Variants in DCDC2 observed in about 807,000 individuals in gnomAD.
The protein encoded by DCDC2 is doublecortin domain-containing protein 2.
DCDC2 carries 40 observed loss-of-function variants against 50.2 expected under a neutral mutation model. The ratio of observed to expected loss-of-function variants is 0.80; its 90% CI spans 0.62 to 1.04. DCDC2 has a LOEUF of 1.04. DCDC2 is among the 50% of genes least tolerant of loss of function. DCDC2 has a pLI of 0.00. For synonymous variants in DCDC2, 234 were observed against 210.6 expected (o/e 1.11, Z -0.96); for missense variants, 570 against 581.9 (o/e 0.98, Z 0.21).
intron 7 of DCDC2, among the ~76,000 whole-genome samples, chr6:24,250,999 A>G (rs1259329057): frequency 6.6e-6 from 1 of 152,258 alleles, no homozygotes; most frequent in Admixed American, 6.5e-5. Flanking sequence ...AAAGAGGTAT[A>G]GTCTAATCAT....
chr6:24,188,472 C>T (rs1761249221), intron 8 of DCDC2, among the ~76,000 whole-genome samples: 1 of 152,156 alleles, frequency 6.6e-6, no homozygotes, highest in Non-Finnish European at 1.5e-5. Context: ...CATCACCATG[C>T]CACTGTTTAA....
chr6:24,257,937 T>C (rs140317369), intron 7 of DCDC2, among the ~76,000 whole-genome samples: 3 of 152,206 alleles, frequency 2.0e-5, no homozygotes, highest in Admixed American at 6.5e-5. Context: ...TTAGCTCTGA[T>C]TGAGTGTGAA....
chr6:24,220,708 T>C lies in DCDC2; in HGVS notation c.923-15606A>G, dbSNP rs542235603. On this transcript the variant is annotated intron_variant, in intron 7 of 9. Coordinates refer to ENST00000378454, the MANE Select transcript of DCDC2 (RefSeq NM_016356.5). ...ACATTAGTCTGTTTTCATACTGCTA[T>C]GAAGAACTGCCTGAGACTAGGTAAT... is the stretch of plus-strand genomic sequence containing the variant. 5.2e-4 allele frequency among the ~76,000 whole-genome samples: 79 copies of C among 152,282 alleles called. 1 individual carries two copies. The South Asian group carries it at 0.013, about 26-fold the overall frequency.
intron 4 of DCDC2, among the ~76,000 whole-genome samples, chr6:24,294,847 A>C (rs754668435): frequency 5.3e-5 from 8 of 152,190 alleles, no homozygotes; most frequent in Non-Finnish European, 1.2e-4. Context: ...CCGATCAAAA[A>C]AAGCCTCGGA....
chr6:24,307,965 A>G (rs1759503598), intron 2 of DCDC2, among the ~76,000 whole-genome samples: 1 of 152,174 alleles, frequency 6.6e-6, no homozygotes, highest in African/African-American at 2.4e-5. Flanking sequence ...CTAAGGGAGA[A>G]GAAATCTTCA....
intron 8 of DCDC2, among the ~76,000 whole-genome samples, chr6:24,198,669 C>T (rs1043237247): frequency 2.6e-5 from 4 of 152,142 alleles, no homozygotes; most frequent in Admixed American, 1.3e-4. Context: ...CCGTTCACTC[C>T]CCTGGAAAGG....
intron 8 of DCDC2, among the ~76,000 whole-genome samples, chr6:24,190,474 C>T (rs1242278316): frequency 2.0e-5 from 3 of 151,992 alleles, no homozygotes; most frequent in South Asian, 2.1e-4. Flanking sequence ...CACATGTATA[C>T]GTATGTAACA....
At chr6:24,284,415 T>C (rs1763547066) in intron 6 of DCDC2, among the ~76,000 whole-genome samples, 1 of 151,260 alleles carries the variant, frequency 6.6e-6, no homozygotes, top group South Asian at 2.1e-4. Context: ...AGACCAGCCT[T>C]GCCAAGATGG....
At chr6:24,331,094 C>G (rs942198690) in intron 2 of DCDC2, among the ~76,000 whole-genome samples, 2 of 152,120 alleles carry the variant, frequency 1.3e-5, no homozygotes, top group African/African-American at 4.8e-5. Context: ...TTCTTTCACT[C>G]AAACAGCTAA....
chr6:24,306,559 C>T (rs554090375), intron 2 of DCDC2, among the ~76,000 whole-genome samples: 32 of 151,354 alleles, frequency 2.1e-4, no homozygotes, highest in African/African-American at 7.3e-4. Flanking sequence ...GACAGACAGA[C>T]AGACAGACAG....
intron 2 of DCDC2, among the ~76,000 whole-genome samples, chr6:24,318,383 GT>G (rs1345045603): frequency 6.6e-6 from 1 of 151,896 alleles, no homozygotes; most frequent in Non-Finnish European, 1.5e-5. Flanking sequence ...TGGGTTTTTT[GT>G]TGTTGTTGTT....
At chr6:24,343,650 T>A (rs375896831) in intron 2 of DCDC2, among the ~76,000 whole-genome samples, 1 of 152,316 alleles carries the variant, frequency 6.6e-6, no homozygotes, top group East Asian at 1.9e-4. Context: ...GAATTTCAGA[T>A]CATGCACTGT....
the DCDC2 span, among the ~76,000 whole-genome samples, chr6:24,368,536 T>G: frequency 3.3e-5 from 5 of 152,204 alleles, no homozygotes; most frequent in Non-Finnish European, 5.9e-5. Flanking sequence ...CAGAAAACAG[T>G]GGACTAAGAT....
intron 2 of DCDC2, among the ~76,000 whole-genome samples, chr6:24,334,695 A>T (rs541446867): frequency 6.6e-6 from 1 of 152,310 alleles, no homozygotes; most frequent in South Asian, 2.1e-4. Context: ...TCTTCTATCT[A>T]TGTAATTCAA....
upstream of DCDC2, among the ~76,000 whole-genome samples, chr6:24,362,401 GTATATTT>G (rs1479891116): frequency 7.6e-5 from 10 of 131,324 alleles, no homozygotes; most frequent in Admixed American, 2.3e-4. Context: ...TTATTTAATT[GTATATTT>G]ATACAATTAT....
At chr6:24,225,674 T>G (rs901556818) in intron 7 of DCDC2, among the ~76,000 whole-genome samples, 3 of 151,674 alleles carry the variant, frequency 2.0e-5, no homozygotes, top group Admixed American at 6.6e-5. Flanking sequence ...ATTTTATATA[T>G]TACATTAAAA....
intron 2 of DCDC2, among the ~76,000 whole-genome samples, chr6:24,328,172 A>C (rs1759907403): frequency 6.6e-6 from 1 of 152,240 alleles, no homozygotes; most frequent in Non-Finnish European, 1.5e-5. Flanking sequence ...TATACAGGAA[A>C]CTTGGTAAGC....
At chr6:24,205,433 CTCCCCTCCTATTCACAAA>C (rs776992590) in intron 7 of DCDC2, 10 of 1,120,404 alleles carry the variant, frequency 8.9e-6, no homozygotes, top group Non-Finnish European at 1.1e-5. Flanking sequence ...CATCCCAGTT[CTCCCCTCCTATTCACAAA>C]ACAGTGAAAA....
intron 8 of DCDC2, among the ~76,000 whole-genome samples, chr6:24,204,488 G>C (rs563002831): frequency 1.3e-5 from 2 of 152,168 alleles, no homozygotes; most frequent in Admixed American, 1.3e-4. Context: ...GGCCTGTCAG[G>C]GTTTGGGGAG....
Sources: gnomAD v4.1 joint callset for allele counts (sites outside exome capture counted in the v4.1 genomes callset) on GRCh38, gnomAD v4.1.1 for gene constraint, MANE v1.5 for transcripts, NCBI Gene and HGNC (gene_info 2026-07-23, HGNC 2026-07-21) for gene names.